The following FOCAD variants were observed in gnomAD, a reference collection of about 807,000 sequenced individuals.
FOCAD encodes the protein KIAA1797.
Under a neutral mutation model 225.6 loss-of-function variants are expected in FOCAD, and 198 were observed. The ratio of observed to expected loss-of-function variants is 0.88; its 90% CI spans 0.78 to 0.99. The LOEUF (loss-of-function observed/expected upper bound fraction) is 0.99, where lower values mean the gene tolerates loss of function less well. Among genes scored for constraint, FOCAD ranks in the 50% least tolerant of loss-of-function variants. The pLI, the probability that FOCAD is intolerant of heterozygous loss-of-function variation, is 0.00. For synonymous variants in FOCAD, 897 were observed against 755.0 expected (o/e 1.19, Z -3.08); for missense variants, 2,713 against 2,123.6 (o/e 1.28, Z -5.46).
intron 11 of FOCAD, among the ~76,000 whole-genome samples, chr9:20,802,040 A>C (rs553621075): frequency 1.2e-4 from 19 of 152,264 alleles, no homozygotes; most frequent in African/African-American, 4.6e-4. Flanking sequence ...TAATGTAATG[A>C]AGTTGGGCAC....
At chr9:20,936,477 C>A (rs1366225586) in intron 28 of FOCAD, among the ~76,000 whole-genome samples, 13 of 152,176 alleles carry the variant, frequency 8.5e-5, no homozygotes, top group Non-Finnish European at 1.8e-4. Context: ...TGGAGAGGAA[C>A]TAGTGCCACT....
chr9:20,723,406 C>T (rs534183957), intron 4 of FOCAD, among the ~76,000 whole-genome samples: 53 of 152,266 alleles, frequency 3.5e-4, no homozygotes, highest in African/African-American at 1.2e-3. Flanking sequence ...GAGAATCACT[C>T]GAACCCGGGA....
chr9:20,891,538 G>A (rs772856450), intron 21 of FOCAD, among the ~76,000 whole-genome samples: 1 of 152,192 alleles, frequency 6.6e-6, no homozygotes, highest in African/African-American at 2.4e-5. Context: ...ACTTTTAGTG[G>A]TTTGGATAAA....
At chr9:20,972,208 T>C (rs1839827996) in intron 35 of FOCAD, among the ~76,000 whole-genome samples, 1 of 152,178 alleles carries the variant, frequency 6.6e-6, no homozygotes, top group Non-Finnish European at 1.5e-5. Flanking sequence ...CATACTGTTT[T>C]ATATAGTGGT....
intron 21 of FOCAD, among the ~76,000 whole-genome samples, chr9:20,906,616 C>G (rs1833002648): frequency 6.6e-6 from 1 of 151,908 alleles, no homozygotes; most frequent in Non-Finnish European, 1.5e-5. Context: ...GATTAAAGGC[C>G]ATTTATCTAG....
At chr9:20,846,261 T>G (rs1827099054) in intron 15 of FOCAD, among the ~76,000 whole-genome samples, 1 of 152,162 alleles carries the variant, frequency 6.6e-6, no homozygotes, top group African/African-American at 2.4e-5. Context: ...GTGTGAAGTT[T>G]TTGCCCAGTT....
intron 28 of FOCAD, among the ~76,000 whole-genome samples, chr9:20,941,918 T>C (rs1350678617): frequency 3.3e-5 from 5 of 152,160 alleles, no homozygotes; most frequent in Admixed American, 1.3e-4. Context: ...ATATGTGGAA[T>C]TGCTGAACTA....
chr9:20,820,872 G>GTAA, intron 13 of FOCAD, 69 bp from the exon 14 acceptor site: 1 of 1,549,082 alleles, frequency 6.5e-7, no homozygotes, highest in South Asian at 1.2e-5. Flanking sequence ...AAAATGCTGA[G>GTAA]TAAAAGGAAG....
chr9:20,824,003 A>G (rs1824614639), intron 15 of FOCAD, among the ~76,000 whole-genome samples: 1 of 152,076 alleles, frequency 6.6e-6, no homozygotes, highest in Non-Finnish European at 1.5e-5. Context: ...TTGGTATGAG[A>G]ATACACTTCT....
At chr9:20,927,859 T>G (rs933936349) in intron 26 of FOCAD, 10 of 152,096 alleles carry the variant, frequency 6.6e-5, no homozygotes, top group Admixed American at 6.5e-4. Context: ...CTGTGTATTT[T>G]GTGTGCCTCT....
At chr9:20,897,390 A>C (rs1832181324) in intron 21 of FOCAD, among the ~76,000 whole-genome samples, 1 of 151,442 alleles carries the variant, frequency 6.6e-6, no homozygotes, top group Non-Finnish European at 1.5e-5. Context: ...TATTTTGATT[A>C]ATATCTTCTA....
intron 5 of FOCAD, among the ~76,000 whole-genome samples, chr9:20,740,926 T>C (rs1827564536): frequency 6.6e-6 from 1 of 152,168 alleles, no homozygotes; most frequent in African/African-American, 2.4e-5. Flanking sequence ...TCATACTTCC[T>C]TGTGAAGGTG....
chr9:20,932,902 A>G (rs1835616224), intron 27 of FOCAD, 112 bp from the exon 28 acceptor site: 1 of 741,464 alleles, frequency 1.3e-6, no homozygotes, highest in Non-Finnish European at 2.2e-6. Flanking sequence ...TTTTTTTTTA[A>G]GAGAAATGCT....
intron 35 of FOCAD, among the ~76,000 whole-genome samples, chr9:20,967,772 A>G (rs920753130): frequency 1.3e-5 from 2 of 151,982 alleles, no homozygotes; most frequent in Non-Finnish European, 2.9e-5. Flanking sequence ...GTTATATATT[A>G]CCCTGATTGA....
intron 2 of FOCAD, among the ~76,000 whole-genome samples, chr9:20,659,434 G>GAAAGAAAGAAAGAAAGAAAGA (rs1185550369): frequency 1.3e-5 from 2 of 150,900 alleles, no homozygotes; most frequent in Non-Finnish European, 3.0e-5. Context: ...GAGAAAGAAA[G>GAAAGAAAGAAAGAAAGAAAGA]AAAGAAAGAC....
intron 5 of FOCAD, among the ~76,000 whole-genome samples, chr9:20,742,665 G>T (rs907712499): frequency 2.0e-5 from 3 of 152,082 alleles, no homozygotes; most frequent in Non-Finnish European, 2.9e-5. Flanking sequence ...AGAGAATTTG[G>T]GTTACTCTCA....
chr9:20,842,532 G>A (rs1399973140), intron 15 of FOCAD, among the ~76,000 whole-genome samples: 1 of 151,570 alleles, frequency 6.6e-6, no homozygotes, highest in Non-Finnish European at 1.5e-5. Flanking sequence ...GAAATGTTTT[G>A]TCATTGCTCC....
At position 20,768,635 on chromosome 9, in the gene FOCAD, C is replaced by G. The variant is rs117231631; in HGVS notation, c.700-1397C>G. ...ATGATTTGATGTGGTCTTACTTATACTGAGCACTAAGACAGAATCACATTT... is the reference window on the plus strand; with the variant it reads ...ATGATTTGATGTGGTCTTACTTATAGTGAGCACTAAGACAGAATCACATTT... On this transcript the variant is annotated intron_variant, in intron 7 of 43. Coordinates refer to ENST00000338382, the MANE Select transcript of FOCAD (RefSeq NM_001375567.1). Among the ~76,000 whole-genome samples, 1,362 of 152,232 alleles carry G rather than the reference C, an allele frequency of 8.9e-3. 11 individuals carry two copies. The highest frequency in any genetic ancestry group is 0.015 in the Non-Finnish European group (1,003 of 68,010).
At chr9:20,760,948 C>G (rs1028660250) in intron 6 of FOCAD, among the ~76,000 whole-genome samples, 62 of 151,792 alleles carry the variant, frequency 4.1e-4, no homozygotes, top group African/African-American at 1.3e-3. Context: ...GTAAGGATAG[C>G]TAGCTATTTA....
Sources: allele counts gnomAD v4.1 joint callset (sites outside exome capture counted in the v4.1 genomes callset), GRCh38; gene constraint gnomAD v4.1.1; transcripts MANE v1.5; gene names NCBI Gene and HGNC (gene_info 2026-07-23, HGNC 2026-07-21).